Variants in SIPA1L2 observed in about 807,000 individuals in gnomAD.
SIPA1L2 encodes the protein signal induced proliferation associated 1 like 2, also known as signal-induced proliferation-associated 1-like protein 2.
A neutral mutation model predicts 163.9 loss-of-function variants in SIPA1L2; 56 were observed. That is an observed-to-expected ratio of 0.34 (90% CI 0.28 to 0.43). SIPA1L2 has a LOEUF of 0.43. Among genes scored for constraint, SIPA1L2 ranks in the 20% least tolerant of loss-of-function variants. SIPA1L2 has a pLI of 1.00. For synonymous variants in SIPA1L2, 877 were observed against 865.7 expected, an observed-to-expected ratio of 1.01 and a Z score of -0.23; for missense variants, 1,974 against 2,193.5, an observed-to-expected ratio of 0.90 and a Z score of 2.00.
At chr1:232,626,627 T>C (rs1239279379) in intron 1 of SIPA1L2, among the ~76,000 whole-genome samples, 1 of 152,200 alleles carries the variant, frequency 6.6e-6, no homozygotes. Flanking sequence ...CACAGCTACA[T>C]GCAACTGGAA....
intron 8 of SIPA1L2, 118 bp downstream of exon 8, chr1:232,471,251 CTG>C (rs1664783359): frequency 1.6e-6 from 1 of 626,542 alleles, no homozygotes. Flanking sequence ...CAGAAAGTGT[CTG>C]AGTAATTAGA....
chr1:232,529,124 G>A lies in SIPA1L2; in HGVS notation c.-269-13516C>T, dbSNP rs556860477. Among the ~76,000 whole-genome samples, 6 of 152,300 alleles carry A rather than the reference G, an allele frequency of 3.9e-5. No homozygotes were observed. The East Asian group carries it at 7.7e-4, about 20-fold the overall frequency. ...TGTTCTTTATACTTTTTATTTGAATGTTGTATTAATGAGAATGATCAGTTA... is the reference window on the plus strand; with the variant it reads ...TGTTCTTTATACTTTTTATTTGAATATTGTATTAATGAGAATGATCAGTTA... On this transcript the variant is annotated intron_variant, in intron 2 of 22. Coordinates refer to ENST00000674635, the MANE Select transcript of SIPA1L2 (RefSeq NM_020808.5).
At chr1:232,622,775 G>A (rs1193183812) in intron 1 of SIPA1L2, among the ~76,000 whole-genome samples, 2 of 152,180 alleles carry the variant, frequency 1.3e-5, no homozygotes, top group African/African-American at 4.8e-5. Context: ...AACGACCCAG[G>A]AAAGGCATAA....
In SIPA1L2 at chr1:232,572,690, C is replaced by T. The variant is rs867868384; in HGVS notation, c.-270+1484G>A. 6.3e-3 allele frequency among the ~76,000 whole-genome samples: 325 copies of T among 51,202 alleles called. 6 individuals carry two copies. The highest frequency in any genetic ancestry group is 0.017 in the African/African-American group (185 of 10,896). 33.6% of individuals were successfully genotyped at this position (51,202 alleles called of 152,430 possible). ...ATATATATATATACACACACATATACATACATATATATATATATATATATA... is the reference window on the plus strand; with the variant it reads ...ATATATATATATACACACACATATATATACATATATATATATATATATATA... On this transcript the variant is annotated intron_variant, in intron 2 of 22. Coordinates refer to ENST00000674635, the MANE Select transcript of SIPA1L2 (RefSeq NM_020808.5).
intron 6 of SIPA1L2, among the ~76,000 whole-genome samples, 158 bp downstream of exon 6, chr1:232,483,634 T>C (rs1665481189): frequency 6.6e-6 from 1 of 152,194 alleles, no homozygotes; most frequent in Non-Finnish European, 1.5e-5. Context: ...TGTGTTTCCT[T>C]TGTTCATCTG....
chr1:232,403,425 G>A, intron 21 of SIPA1L2, 23 bp downstream of exon 21: 2 of 1,604,838 alleles, frequency 1.2e-6, no homozygotes, highest in South Asian at 1.1e-5. Context: ...GCAGGAGGGA[G>A]GGGTCCACAG....
chr1:232,494,906 G>A (rs1572982289), intron 3 of SIPA1L2, among the ~76,000 whole-genome samples: 1 of 152,180 alleles, frequency 6.6e-6, no homozygotes, highest in East Asian at 1.9e-4. Flanking sequence ...TCAAAAAATC[G>A]ATTTTTTTTC....
intron 7 of SIPA1L2, among the ~76,000 whole-genome samples, chr1:232,472,110 G>A (rs916824586): frequency 2.0e-5 from 3 of 152,166 alleles, no homozygotes; most frequent in African/African-American, 7.2e-5. Context: ...CCAATCATTT[G>A]TAATTTTATA....
chr1:232,622,621 C>T (rs1662873699), intron 1 of SIPA1L2, among the ~76,000 whole-genome samples: 1 of 152,198 alleles, frequency 6.6e-6, no homozygotes, highest in African/African-American at 2.4e-5. Flanking sequence ...AGGCGGCCAC[C>T]TAAGGGTGCC....
At chr1:232,455,404 G>A (rs1178375066) in intron 10 of SIPA1L2, among the ~76,000 whole-genome samples, 2 of 152,164 alleles carry the variant, frequency 1.3e-5, no homozygotes, top group East Asian at 1.9e-4. Flanking sequence ...GTGGTTGGCC[G>A]GGTGCCGTGG....
chr1:232,479,560 T>TATC, intron 7 of SIPA1L2, 67 bp downstream of exon 7: 1 of 1,239,970 alleles, frequency 8.1e-7, no homozygotes, highest in Admixed American at 1.7e-5. Context: ...CATGCATCAA[T>TATC]ATCATCAGTG....
chr1:232,435,997 G>C (rs76301790), intron 15 of SIPA1L2, among the ~76,000 whole-genome samples: 4,253 of 152,194 alleles, frequency 0.028, 176 homozygotes, highest in Admixed American at 0.12. Context: ...GCTGGAGGAG[G>C]CTGCTATGGT....
chr1:232,598,445 T>G (rs1225137017), intron 1 of SIPA1L2, among the ~76,000 whole-genome samples: 3 of 152,172 alleles, frequency 2.0e-5, no homozygotes, highest in Non-Finnish European at 4.4e-5. Context: ...TGTAGCTAAC[T>G]CAAAGACACC....
At chr1:232,472,138 G>A (rs1229534051) in intron 7 of SIPA1L2, among the ~76,000 whole-genome samples, 1 of 152,164 alleles carries the variant, frequency 6.6e-6, no homozygotes. Context: ...AATCTGGCAG[G>A]GGGAATGATG....
chr1:232,417,122 C>A (rs1044383392), intron 18 of SIPA1L2, among the ~76,000 whole-genome samples: 1 of 152,156 alleles, frequency 6.6e-6, no homozygotes, highest in Admixed American at 6.5e-5. Context: ...TAACCAAATG[C>A]ACCTGTAATT....
intron 14 of SIPA1L2, 74 bp from the exon 15 acceptor site, chr1:232,439,570 G>A: frequency 6.6e-7 from 1 of 1,525,152 alleles, no homozygotes. Flanking sequence ...GACTCAGGGA[G>A]CTACAAGCCA....
chr1:232,509,509 A>G (rs1666883708), intron 3 of SIPA1L2, among the ~76,000 whole-genome samples: 1 of 152,206 alleles, frequency 6.6e-6, no homozygotes, highest in African/African-American at 2.4e-5. Flanking sequence ...GAAAAAAGCT[A>G]TCTCAAAAAC....
intron 2 of SIPA1L2, among the ~76,000 whole-genome samples, chr1:232,554,671 T>C (rs1230051048): frequency 6.6e-6 from 1 of 152,234 alleles, no homozygotes; most frequent in Non-Finnish European, 1.5e-5. Context: ...CACGTGCTGA[T>C]GTTTTCTTTC....
intron 16 of SIPA1L2, among the ~76,000 whole-genome samples, chr1:232,430,064 C>T (rs562685768): frequency 2.6e-5 from 4 of 152,316 alleles, no homozygotes; most frequent in South Asian, 2.1e-4. Context: ...GTCATAAATA[C>T]GCTCTGAGGA....
Sources: allele counts gnomAD v4.1 joint callset (sites outside exome capture counted in the v4.1 genomes callset), GRCh38; gene constraint gnomAD v4.1.1; transcripts MANE v1.5; gene names NCBI Gene and HGNC (gene_info 2026-07-23, HGNC 2026-07-21).